The following IFT74 variants were observed in gnomAD, a reference collection of about 807,000 sequenced individuals.
The protein encoded by IFT74 is intraflagellar transport protein 74 homolog.
IFT74 carries 92 observed loss-of-function variants against 96.7 expected under a neutral mutation model. That is an observed-to-expected ratio of 0.95 (90% CI 0.80 to 1.13). The LOEUF (loss-of-function observed/expected upper bound fraction) is 1.13. IFT74 is among the 50% of genes most tolerant of loss of function. IFT74 has a pLI of 0.00. For synonymous variants in IFT74, 223 were observed against 213.2 expected, an observed-to-expected ratio of 1.05 and a Z score of -0.40; for missense variants, 811 against 698.2, an observed-to-expected ratio of 1.16 and a Z score of -1.82.
Position 27,062,652 on chromosome 9 carries a change from G to A in IFT74, c.1719G>A (p.Gln573=). 6.2e-7 allele frequency: 1 copy of A among 1,608,934 alleles called. No individual in the cohort carries two copies. The highest frequency in any genetic ancestry group is 8.5e-7 in the Non-Finnish European group (1 of 1,176,932). The change falls in exon 20 of 20, where the codon CAG becomes CAA. Residue 573 remains glutamine (Q), a synonymous_variant. Coordinates refer to ENST00000380062, the MANE Select transcript of IFT74 (RefSeq NM_025103.4). ...IATKSQESDY[Q]PIKKNVTKQI... Reference sequence around the variant, plus strand: ...CCAAGAGTCAAGAGAGTGATTACCAGCCAATTAAGAAAAATGTGACCAAGC... The same window carrying A: ...CCAAGAGTCAAGAGAGTGATTACCAACCAATTAAGAAAAATGTGACCAAGC...
chr9:26,984,093 C>T (rs1293092842), intron 4 of IFT74, 164 bp from the exon 5 acceptor site: 3 of 531,086 alleles, frequency 5.6e-6, no homozygotes, highest in Non-Finnish European at 9.2e-6. Context: ...CAGAATATAC[C>T]TCATTCTTAA....
Position 27,047,120 on chromosome 9 carries a change from C to T in IFT74, c.1109-154C>T, listed in dbSNP as rs544439437. Among the ~76,000 whole-genome samples the T allele has an allele frequency of 3.9e-5, 6 of 152,182 alleles. No individual in the cohort carries two copies. The South Asian group carries it at 1.2e-3, about 32-fold the overall frequency. ...CCCAGAGGTGGAGGTTGCAGTGAGC[C>T]GAGATCGTGCCACTGCACTCCAGCC... On this transcript the variant is annotated intron_variant, in intron 14 of 19. Coordinates refer to ENST00000380062, the MANE Select transcript of IFT74 (RefSeq NM_025103.4).
At chr9:26,974,128 G>T (rs1436300174) in intron 2 of IFT74, among the ~76,000 whole-genome samples, 1 of 152,108 alleles carries the variant, frequency 6.6e-6, no homozygotes, top group East Asian at 1.9e-4. Context: ...TTGAACGGGG[G>T]TTTTTTGGAT....
intron 8 of IFT74, among the ~76,000 whole-genome samples, chr9:26,997,396 C>T (rs1246207919): frequency 2.1e-5 from 3 of 146,170 alleles, no homozygotes; most frequent in East Asian, 2.2e-4. Context: ...TGCAGTGGCA[C>T]GATCTCGGCT....
rs1037051903 is a variant in IFT74 at position 26,947,126 on chromosome 9, C to G, written c.-40C>G. The G allele has an allele frequency of 1.8e-5, 25 of 1,381,744 alleles. 1 individual carries two copies. The highest frequency in any genetic ancestry group is 2.1e-5 in the Non-Finnish European group (22 of 1,063,808). 85.6% of individuals were successfully genotyped at this position (1,381,744 alleles called of 1,614,324 possible). On this transcript the variant is annotated 5_prime_UTR_variant, in exon 1 of 20. Transcript: ENST00000433700. ...GGGCGACTCGGAGAGCGCCGGGCCGCGGCGGGAGAAGAGCCTGCAGGTAAG... is the reference window on the plus strand; with the variant it reads ...GGGCGACTCGGAGAGCGCCGGGCCGGGGCGGGAGAAGAGCCTGCAGGTAAG...
chr9:27,029,674 G>A (rs909387925), intron 13 of IFT74, among the ~76,000 whole-genome samples: 4 of 152,150 alleles, frequency 2.6e-5, no homozygotes, highest in Non-Finnish European at 4.4e-5. Flanking sequence ...ACTTGAACTC[G>A]GAGGCAGAGG....
intron 9 of IFT74, among the ~76,000 whole-genome samples, chr9:27,011,182 G>A (rs1402950202): frequency 6.6e-6 from 1 of 152,114 alleles, no homozygotes; most frequent in African/African-American, 2.4e-5. Flanking sequence ...ATCCCGGGAG[G>A]CGGAGGTTGC....
At chr9:26,961,886 G>A in intron 1 of IFT74, 63 bp from the exon 2 acceptor site, 3 of 1,536,948 alleles carry the variant, frequency 2.0e-6, no homozygotes, top group African/African-American at 2.7e-5. Context: ...AGGGTATGAT[G>A]GGTCATTATT....
chr9:26,959,338 T>C (rs1355017307), intron 1 of IFT74, among the ~76,000 whole-genome samples: 2 of 152,160 alleles, frequency 1.3e-5, no homozygotes, highest in Non-Finnish European at 2.9e-5. Context: ...CTCGATCTCC[T>C]GACTTCGTGA....
rs779962625 is a variant in IFT74 at position 27,063,350 on chromosome 9, T to G, written c.*614T>G. ...CACATATATATACCTGGAAGAACAT[T>G]AGGTAAAAGACTACATTTATAGTGG... On this transcript the variant is annotated 3_prime_UTR_variant, in exon 20 of 20. Transcript: ENST00000380062. Among the ~76,000 whole-genome samples the G allele has an allele frequency of 2.0e-5, 3 of 152,152 alleles. No individual in the cohort carries two copies. The highest frequency in any genetic ancestry group is 6.5e-5 in the Admixed American group (1 of 15,268).
intron 11 of IFT74, among the ~76,000 whole-genome samples, chr9:27,017,544 AG>A (rs987367348): frequency 2.0e-5 from 3 of 152,220 alleles, no homozygotes; most frequent in Non-Finnish European, 4.4e-5. Context: ...ATAGTAACTT[AG>A]GTGAAGCTAA....
intron 6 of IFT74, among the ~76,000 whole-genome samples, chr9:26,985,237 A>C (rs1638888154): frequency 6.6e-6 from 1 of 152,208 alleles, no homozygotes; most frequent in Non-Finnish European, 1.5e-5. Flanking sequence ...CTCTCTTACC[A>C]GTGGGAGCTA....
intron 13 of IFT74, chr9:27,036,652 T>C (rs1819211700): frequency 5.7e-6 from 8 of 1,402,874 alleles, no homozygotes; most frequent in Non-Finnish European, 7.4e-6. Context: ...ATTTTATTCA[T>C]TGGCTACTTG....
At chr9:26,995,143 A>T (rs1828074155) in intron 8 of IFT74, 1 of 154,750 alleles carries the variant, frequency 6.5e-6, no homozygotes, top group Non-Finnish European at 1.4e-5. Flanking sequence ...CTAAACTTTT[A>T]TTTCTTTACT....
At chr9:27,033,749 T>G (rs776921375) in intron 13 of IFT74, among the ~76,000 whole-genome samples, 14 of 152,144 alleles carry the variant, frequency 9.2e-5, no homozygotes, top group Non-Finnish European at 1.6e-4. Context: ...TGTTTATAAC[T>G]TGTCTGTTTA....
chr9:26,955,451 T>C (rs1826050586), upstream of IFT74, among the ~76,000 whole-genome samples: 1 of 152,174 alleles, frequency 6.6e-6, no homozygotes, highest in South Asian at 2.1e-4. Flanking sequence ...ATAATACTCA[T>C]GTCCCAGTAA....
At chr9:26,955,327 T>C (rs1483211466), upstream of IFT74, among the ~76,000 whole-genome samples, 1 of 152,138 alleles carries the variant, frequency 6.6e-6, no homozygotes, top group African/African-American at 2.4e-5. Flanking sequence ...TCGGAAACGA[T>C]GTAGTTACTG....
At chr9:26,959,086 C>A (rs978388044) in intron 1 of IFT74, among the ~76,000 whole-genome samples, 2 of 140,862 alleles carry the variant, frequency 1.4e-5, no homozygotes, top group Admixed American at 7.0e-5. Context: ...ATAAGCTATT[C>A]TTTTTGTTGT....
At chr9:27,033,727 C>T (rs965708060) in intron 13 of IFT74, among the ~76,000 whole-genome samples, 30 of 151,822 alleles carry the variant, frequency 2.0e-4, no homozygotes, top group African/African-American at 6.6e-4. Context: ...CAGTGCTGCA[C>T]TAGTACATTC....
Sources: gnomAD v4.1 joint callset for allele counts (sites outside exome capture counted in the v4.1 genomes callset) on GRCh38, gnomAD v4.1.1 for gene constraint, MANE v1.5 for transcripts, NCBI Gene and HGNC (gene_info 2026-07-23, HGNC 2026-07-21) for gene names.